The following FZD3 variants were observed in gnomAD, a reference collection of about 807,000 sequenced individuals.
FZD3 encodes frizzled class receptor 3, also known as frizzled-3.
FZD3 carries 30 observed loss-of-function variants against 60.7 expected under a neutral mutation model. The ratio of observed to expected loss-of-function variants is 0.49; its 90% CI spans 0.37 to 0.67. The LOEUF (loss-of-function observed/expected upper bound fraction) is 0.67. Among genes scored for constraint, FZD3 ranks in the 30% least tolerant of loss-of-function variants. The pLI is 0.00. For synonymous variants in FZD3, 246 were observed against 275.2 expected (o/e 0.89, Z 1.05); for missense variants, 605 against 838.7 (o/e 0.72, Z 3.44).
rs58605065 is a variant in FZD3, at chr8:28,519,730, T to TAA, written c.190-891_190-890dup. The stretch of plus-strand genomic sequence containing the variant: ...GGGTGACAGAGCGAGACCCTGTCTT[T>TAA]AAAAAAAAAAAAAAAAAACCAAGAA... On this transcript the variant is annotated intron_variant, in intron 3 of 7. Coordinates refer to ENST00000240093, the MANE Select transcript of FZD3 (RefSeq NM_017412.4). 1.8e-3 allele frequency among the ~76,000 whole-genome samples: 244 copies of TAA among 135,684 alleles called. 3 individuals carry two copies. Among genetic ancestry groups the TAA allele is most frequent in the African/African-American group, 6.3e-3 (225 of 35,822 alleles). 89.0% of individuals were successfully genotyped at this position (135,684 alleles called of 152,430 possible).
Position 28,569,951 on chromosome 8 carries a change from A to G in FZD3, c.*6940A>G, listed in dbSNP as rs1805775102. ...AATTTAAAAGCAATTCAATTTACCAATATTAAAATAATTATAAAATGTAAA... is the reference window on the plus strand; with the variant it reads ...AATTTAAAAGCAATTCAATTTACCAGTATTAAAATAATTATAAAATGTAAA... On this transcript the variant is annotated 3_prime_UTR_variant, in exon 8 of 8. Transcript: ENST00000240093. 1 of 152,244 alleles carries G rather than the reference A, an allele frequency of 6.6e-6. No individual in the cohort carries two copies. The highest frequency in any genetic ancestry group is 6.5e-5 in the Admixed American group (1 of 15,284). 9.4% of individuals were successfully genotyped at this position (152,244 alleles called of 1,614,324 possible). A position where few individuals can be genotyped will look rare whatever the true frequency, so the allele number is the denominator to read the frequency against.
chr8:28,558,974 A>G (rs1805565869), intron 7 of FZD3, among the ~76,000 whole-genome samples: 1 of 152,216 alleles, frequency 6.6e-6, no homozygotes, highest in African/African-American at 2.4e-5. Flanking sequence ...TAATAGCACA[A>G]GCCAGGAATA....
intron 5 of FZD3, among the ~76,000 whole-genome samples, chr8:28,534,297 C>G (rs1012404961): frequency 6.6e-6 from 1 of 152,182 alleles, no homozygotes; most frequent in Non-Finnish European, 1.5e-5. Context: ...AGTAAATTCA[C>G]ATTGTGCAAC....
rs548262022 is a variant in FZD3 at position 28,544,448 on chromosome 8, A to C, written c.1405-7155A>C. On this transcript the variant is annotated intron_variant, in intron 5 of 7. Transcript: ENST00000240093. ...ACTTTACATATTTATGATATTCACT[A>C]TATACTGTAGATATTAAATATCAGT... Among the ~76,000 whole-genome samples the C allele has an allele frequency of 2.6e-5, 4 of 152,302 alleles. No individual in the cohort carries two copies. The South Asian group carries it at 8.3e-4, about 32-fold the overall frequency.
At position 28,527,402 on chromosome 8, in the gene FZD3, C is replaced by G. The variant is rs780722942; in HGVS notation, c.642C>G (p.Leu214=). 1.2e-6 allele frequency: 2 copies of G among 1,614,020 alleles called. No individual in the cohort carries two copies. Among genetic ancestry groups the G allele is most frequent in the Admixed American group, 1.7e-5 (1 of 60,012 alleles). Residue 214 remains leucine (L), a synonymous_variant, in exon 5 of 8, where the codon CTC becomes CTG. Transcript: ENST00000240093. The surrounding 1 kb of genome is among the most constrained non-coding windows in gnomAD (Gnocchi z 5.0). The part of the protein sequence containing the change: ...YFIGLISIIC[L]SATLFTFLTF... ...TAGGATTGATTTCAATCATTTGCCT[C>G]TCGGCCACATTGTTTACTTTTTTAA...
intron 5 of FZD3, among the ~76,000 whole-genome samples, chr8:28,548,383 C>T (rs1360874366): frequency 6.6e-6 from 1 of 152,064 alleles, no homozygotes; most frequent in African/African-American, 2.4e-5. Flanking sequence ...GCGATGCAGC[C>T]TCTGCCTCCT....
Position 28,520,907 on chromosome 8 carries a change from CATCT to C in FZD3, c.386+74_386+77del, listed in dbSNP as rs1000049128. ...GTTTAAAAGTACTTGTCTTCTTTTC[CATCT>C]GTTTTAAAAAACTTTTTTTGAAGTG... is the stretch of plus-strand genomic sequence containing the variant. On this transcript the variant is annotated intron_variant, in intron 4 of 7. Transcript: ENST00000240093. 2.7e-5 allele frequency: 30 copies of C among 1,103,524 alleles called. No individual in the cohort carries two copies. In the African/African-American group the frequency reaches 4.7e-4, roughly 17 times the overall value. 68.4% of individuals were successfully genotyped at this position (1,103,524 alleles called of 1,614,324 possible). A position where few individuals can be genotyped will look rare whatever the true frequency, so the allele number is the denominator to read the frequency against.
intron 7 of FZD3, among the ~76,000 whole-genome samples, chr8:28,560,452 G>A (rs756208953): frequency 6.6e-6 from 1 of 152,004 alleles, no homozygotes; most frequent in Admixed American, 6.6e-5. Flanking sequence ...TGGGCAGGTT[G>A]TTCATATTCT....
At chr8:28,552,187 G>T (rs944863761) in intron 6 of FZD3, among the ~76,000 whole-genome samples, 1 of 152,198 alleles carries the variant, frequency 6.6e-6, no homozygotes, top group Admixed American at 6.5e-5. Flanking sequence ...GGTATTTACT[G>T]ATAAGAGCTA....
intron 5 of FZD3, among the ~76,000 whole-genome samples, chr8:28,534,301 G>A (rs1025181600): frequency 6.6e-6 from 1 of 152,088 alleles, no homozygotes; most frequent in African/African-American, 2.4e-5. Flanking sequence ...AATTCACATT[G>A]TGCAACCATC....
chr8:28,495,054 G>C (rs6558065), intron 1 of FZD3, among the ~76,000 whole-genome samples: 12,126 of 152,250 alleles, frequency 0.08, 1,334 homozygotes, highest in African/African-American at 0.25. Flanking sequence ...CATCTGAAAT[G>C]AAGCTGCTGT....
chr8:28,517,726 A>G (rs1300221983), intron 3 of FZD3, among the ~76,000 whole-genome samples: 4 of 152,112 alleles, frequency 2.6e-5, no homozygotes, highest in African/African-American at 7.2e-5. Context: ...CAGTAATTAT[A>G]TATTTCAATT....
chr8:28,522,260 T>C (rs935095815), intron 4 of FZD3, among the ~76,000 whole-genome samples: 5 of 151,874 alleles, frequency 3.3e-5, no homozygotes, highest in Admixed American at 2.0e-4. Context: ...ACAAACATTA[T>C]AACAAAATGA....
intron 3 of FZD3, chr8:28,505,158 G>C (rs905496405): frequency 6.5e-6 from 1 of 154,760 alleles, no homozygotes; most frequent in Non-Finnish European, 1.5e-5. Context: ...CCTGCTCAGT[G>C]CTGCTGATGA....
chr8:28,534,908 G>A (rs970270396), intron 5 of FZD3, among the ~76,000 whole-genome samples: 3 of 152,134 alleles, frequency 2.0e-5, no homozygotes, highest in Admixed American at 6.5e-5. Flanking sequence ...CTTAGTAGGC[G>A]CTGATGATAA....
At chr8:28,541,810 G>A (rs537689899) in intron 5 of FZD3, among the ~76,000 whole-genome samples, 5 of 152,118 alleles carry the variant, frequency 3.3e-5, no homozygotes, top group African/African-American at 1.2e-4. Context: ...ATCATTATCC[G>A]CTAGTTGTTC....
intron 4 of FZD3, among the ~76,000 whole-genome samples, chr8:28,523,465 T>C (rs13264393): frequency 0.19 from 28,527 of 152,048 alleles, 3,371 homozygotes; most frequent in East Asian, 0.4. Context: ...GATCTCGCTG[T>C]GTTGCCCAGG....
At chr8:28,498,765 G>A (rs1803913634) in intron 1 of FZD3, among the ~76,000 whole-genome samples, 2 of 152,012 alleles carry the variant, frequency 1.3e-5, no homozygotes, top group Non-Finnish European at 2.9e-5. Context: ...GGTTTTTGCC[G>A]TGTTGGCCAG....
In FZD3 at chr8:28,520,771, G is replaced by A. The variant is rs1804556970; in HGVS notation, c.323G>A (p.Ser108Asn). Residue 108 changes from serine (S) to asparagine (N), a missense_variant, in exon 4 of 8, where the codon AGT becomes AAT. Ser to Asn is a conservative substitution (Grantham distance 46, BLOSUM62 1). Coordinates refer to ENST00000240093, the MANE Select transcript of FZD3 (RefSeq NM_017412.4). ...CGTAGGCTGTGTCAGCGGGCTTACA[G>A]TGAGTGTTCGAAGCTCATGGAGATG... Reference protein sequence around the residue: ...PCRRLCQRAYSECSKLMEMFG... With the variant: ...PCRRLCQRAYNECSKLMEMFG... 3.1e-6 allele frequency: 5 copies of A among 1,611,640 alleles called. No individual in the cohort carries two copies. Among genetic ancestry groups the A allele is most frequent in the Non-Finnish European group, 4.2e-6 (5 of 1,178,678 alleles).
Sources: allele counts gnomAD v4.1 joint callset (sites outside exome capture counted in the v4.1 genomes callset), GRCh38; gene constraint gnomAD v4.1.1; non-coding constraint Gnocchi (gnomAD v3.1); transcripts MANE v1.5; gene names NCBI Gene and HGNC (gene_info 2026-07-23, HGNC 2026-07-21).